The following GRHL2 variants were observed in gnomAD, a reference collection of about 807,000 sequenced individuals.
The protein encoded by GRHL2 is grainyhead-like protein 2 homolog.
In GRHL2, 21 loss-of-function variants were observed where a neutral mutation model predicts 83.8. The observed-to-expected ratio is 0.25, with a 90% CI of 0.18 to 0.36. The LOEUF (loss-of-function observed/expected upper bound fraction) is 0.36. Among genes scored for constraint, GRHL2 ranks in the 10% least tolerant of loss-of-function variants. The pLI is 1.00. For synonymous variants in GRHL2, 280 were observed against 278.9 expected, an observed-to-expected ratio of 1.00 and a Z score of -0.04; for missense variants, 623 against 781.8, an observed-to-expected ratio of 0.80 and a Z score of 2.42.
intron 7 of GRHL2, among the ~76,000 whole-genome samples, chr8:101,587,596 C>T (rs867688946): frequency 6.6e-6 from 1 of 152,160 alleles, no homozygotes; most frequent in South Asian, 2.1e-4. Flanking sequence ...TCTTTCATCT[C>T]CAATGTGGAA....
At chr8:101,647,594 T>A (rs1352802415) in intron 13 of GRHL2, among the ~76,000 whole-genome samples, 2 of 152,216 alleles carry the variant, frequency 1.3e-5, no homozygotes, top group Non-Finnish European at 2.9e-5. Flanking sequence ...ATTAGATTAT[T>A]TTAGCTGAAA....
chr8:101,543,702 A>G (rs1811202470), intron 2 of GRHL2: 1 of 467,718 alleles, frequency 2.1e-6, no homozygotes, highest in Non-Finnish European at 3.9e-6. Flanking sequence ...TTTGCATATT[A>G]TTCTTACCAT....
rs77495772 is a variant in GRHL2 at position 101,612,476 on chromosome 8, A to T, written c.1099-7063A>T. Among the ~76,000 whole-genome samples, 25 of 135,854 alleles carry T rather than the reference A, an allele frequency of 1.8e-4. 1 individual carries two copies. In the East Asian group the frequency reaches 4.7e-3, roughly 26 times the overall value. The allele number at this position is 135,854 out of a possible 152,430, so 89.1% of individuals were successfully genotyped here. On this transcript the variant is annotated intron_variant, in intron 8 of 15. Transcript: ENST00000646743. ...GCATCTTCAGAGTGTGGATGGATGG[A>T]TGGATTAGATAGATAGATAGATAGA...
intron 8 of GRHL2, 40 bp downstream of exon 8, chr8:101,599,191 T>G (rs1812460463): frequency 7.9e-7 from 1 of 1,259,422 alleles, no homozygotes; most frequent in Non-Finnish European, 1.2e-6. Flanking sequence ...TCTTAATATG[T>G]GCCCATCCTC....
At chr8:101,626,483 T>C (rs1241788504) in intron 9 of GRHL2, among the ~76,000 whole-genome samples, 2 of 152,056 alleles carry the variant, frequency 1.3e-5, no homozygotes, top group Non-Finnish European at 2.9e-5. Flanking sequence ...TTCGTGAAGG[T>C]TTTGTATTAC....
chr8:101,590,931 C>A (rs979916880), intron 7 of GRHL2, among the ~76,000 whole-genome samples: 7 of 152,022 alleles, frequency 4.6e-5, no homozygotes, highest in African/African-American at 1.7e-4. Context: ...CTTTTAATCT[C>A]CAAAAATATA....
At chr8:101,552,846 T>G in intron 3 of GRHL2, 64 bp downstream of exon 3, 2 of 1,469,302 alleles carry the variant, frequency 1.4e-6, no homozygotes, top group Non-Finnish European at 1.9e-6. Context: ...GTTATTAAAC[T>G]GTATGTTTTG....
At chr8:101,607,939 G>C (rs1053433050) in intron 8 of GRHL2, among the ~76,000 whole-genome samples, 1 of 152,220 alleles carries the variant, frequency 6.6e-6, no homozygotes, top group South Asian at 2.1e-4. Flanking sequence ...ATCTTTGTTA[G>C]AATGTGAAGT....
In GRHL2 at chr8:101,668,021, A is replaced by G. The variant is rs543249119; in HGVS notation, c.*1318A>G. The stretch of plus-strand genomic sequence containing the variant: ...CACTCCTGGATGCTGCGTTTTAAGG[A>G]AGTGAGTGAGAAAGAATGTGCCAAG... On this transcript the variant is annotated 3_prime_UTR_variant, in exon 16 of 16. Coordinates refer to ENST00000646743, the MANE Select transcript of GRHL2 (RefSeq NM_024915.4). 987 of 152,594 alleles carry G rather than the reference A, an allele frequency of 6.5e-3. 9 individuals are homozygous for G. The highest frequency in any genetic ancestry group is 9.7e-3 in the Non-Finnish European group (662 of 68,048). The allele number at this position is 152,594 out of a possible 1,614,324, so 9.5% of individuals were successfully genotyped here.
At chr8:101,527,933 A>G (rs1047716788) in intron 1 of GRHL2, among the ~76,000 whole-genome samples, 1 of 152,142 alleles carries the variant, frequency 6.6e-6, no homozygotes, top group Non-Finnish European at 1.5e-5. Context: ...AATGTTACTT[A>G]AGTTTTTTCC....
intron 14 of GRHL2, among the ~76,000 whole-genome samples, chr8:101,656,873 G>GACTCACACACACACACACAC (rs1813800369): frequency 6.8e-6 from 1 of 147,270 alleles, no homozygotes; most frequent in African/African-American, 2.6e-5. Flanking sequence ...GTGTCTAACA[G>GACTCACACACACACACACAC]ACACACACAC....
intron 7 of GRHL2, among the ~76,000 whole-genome samples, chr8:101,582,327 C>T (rs916312428): frequency 8.6e-5 from 13 of 151,902 alleles, no homozygotes; most frequent in East Asian, 1.9e-4. Flanking sequence ...CTCTCATGCA[C>T]GCTAGTGAGA....
chr8:101,588,584 G>A (rs1287094128), intron 7 of GRHL2, among the ~76,000 whole-genome samples: 2 of 152,146 alleles, frequency 1.3e-5, no homozygotes, highest in East Asian at 3.8e-4. Context: ...GGGGTAAGTG[G>A]GAAGCTTGAA....
intron 14 of GRHL2, among the ~76,000 whole-genome samples, chr8:101,662,677 C>G (rs1357481789): frequency 1.3e-5 from 2 of 152,066 alleles, no homozygotes; most frequent in Non-Finnish European, 2.9e-5. Flanking sequence ...AGGGCTTTCC[C>G]GAATCCATCT....
chr8:101,543,786 G>A (rs1471529866), intron 2 of GRHL2: 1 of 311,164 alleles, frequency 3.2e-6, no homozygotes, highest in African/African-American at 2.2e-5. Context: ...ATTACATTGA[G>A]TGGCTTTATT....
At chr8:101,559,763 G>A (rs1430935032) in intron 4 of GRHL2, among the ~76,000 whole-genome samples, 2 of 152,116 alleles carry the variant, frequency 1.3e-5, no homozygotes, top group Non-Finnish European at 1.5e-5. Context: ...GTATACAATT[G>A]TGAAACCAAC....
chr8:101,518,132 C>A (rs1188583006), intron 1 of GRHL2, among the ~76,000 whole-genome samples: 1 of 152,196 alleles, frequency 6.6e-6, no homozygotes, highest in Non-Finnish European at 1.5e-5. Context: ...TGAATCTTCC[C>A]CCATATCACA....
chr8:101,626,986 A>G (rs1813094229), intron 9 of GRHL2, among the ~76,000 whole-genome samples: 1 of 152,104 alleles, frequency 6.6e-6, no homozygotes, highest in Non-Finnish European at 1.5e-5. Context: ...CTGTTTTGTC[A>G]TGCTGATAGC....
chr8:101,626,865 TG>T (rs1813091841), intron 9 of GRHL2, among the ~76,000 whole-genome samples: 1 of 152,110 alleles, frequency 6.6e-6, no homozygotes, highest in South Asian at 2.1e-4. Flanking sequence ...GCTCAAGGAA[TG>T]TTTTCTTTAC....
Sources: gnomAD v4.1 joint callset for allele counts (sites outside exome capture counted in the v4.1 genomes callset) on GRCh38, gnomAD v4.1.1 for gene constraint, MANE v1.5 for transcripts, NCBI Gene and HGNC (gene_info 2026-07-23, HGNC 2026-07-21) for gene names.